The following RICTOR variants were observed in gnomAD, a reference collection of about 807,000 sequenced individuals.
The protein encoded by RICTOR is rapamycin-insensitive companion of mTOR.
A neutral mutation model predicts 214.9 loss-of-function variants in RICTOR; 49 were observed. The observed-to-expected ratio is 0.23, with a 90% CI of 0.18 to 0.29. The LOEUF is 0.29. Ranked by LOEUF, RICTOR falls within the 10% of genes least tolerant of loss-of-function variation. The pLI is 1.00. For missense variants in RICTOR, 1,625 were observed against 2,047.0 expected (o/e 0.79, Z 3.98); for synonymous variants, 717 against 711.3 (o/e 1.01, Z -0.13).
intron 7 of RICTOR, among the ~76,000 whole-genome samples, chr5:38,989,526 T>C (rs1357156491): frequency 6.6e-6 from 1 of 152,072 alleles, no homozygotes; most frequent in African/African-American, 2.4e-5. Context: ...ACTAAAGGGC[T>C]TCTGCACAGT....
intron 19 of RICTOR, among the ~76,000 whole-genome samples, chr5:38,960,979 A>G (rs1749747613): frequency 6.6e-6 from 1 of 152,096 alleles, no homozygotes; most frequent in African/African-American, 2.4e-5. Context: ...TGGAATTGTG[A>G]GTCAATTAAA....
chr5:38,946,479 T>C lies in RICTOR; in HGVS notation c.4388A>G (p.His1463Arg). The part of the protein sequence containing the change: ...HDDRGARAFA[H>R]DAGGLPSGTG... ...GCACAATGCATTACCTCCTGCATCA[T>C]GGGCAAATGCTCTTGCACCTCGATC... Residue 1463 changes from histidine (H) to arginine (R), a missense_variant, in exon 33 of 38, where the codon CAT (histidine) becomes CGT (arginine). His to Arg is a conservative substitution (Grantham distance 29). Around this residue, in one of 5 missense-constraint regions of RICTOR, gnomAD observed 1,214 missense variants for 1,470.5 expected, o/e 0.83. Coordinates refer to ENST00000357387, the MANE Select transcript of RICTOR (RefSeq NM_152756.5). 1 of 1,607,116 alleles carries C rather than the reference T, an allele frequency of 6.2e-7. No homozygotes were observed. Among genetic ancestry groups the C allele is most frequent in the Non-Finnish European group, 8.5e-7 (1 of 1,173,744 alleles).
At chr5:38,944,231 T>A (rs760229968) in intron 36 of RICTOR, 3 of 626,564 alleles carry the variant, frequency 4.8e-6, no homozygotes, top group African/African-American at 3.6e-5. Flanking sequence ...TAATAGAAGA[T>A]AGCTGGATTC....
At chr5:39,000,887 AT>A (rs1388716906) in intron 5 of RICTOR, among the ~76,000 whole-genome samples, 1 of 152,106 alleles carries the variant, frequency 6.6e-6, no homozygotes, top group African/African-American at 2.4e-5. Context: ...TATCAGAAAA[AT>A]ATCTTAGAAT....
At chr5:38,958,416 A>G (rs778854329) in intron 24 of RICTOR, 27 bp downstream of exon 24, 4 of 1,471,330 alleles carry the variant, frequency 2.7e-6, no homozygotes, top group South Asian at 1.1e-5. Flanking sequence ...ACAAAAAAAC[A>G]TAACAGAAAA....
chr5:38,944,075 C>A, intron 36 of RICTOR: 1 of 356,626 alleles, frequency 2.8e-6, no homozygotes, highest in South Asian at 2.3e-5. Context: ...GAGAGAATTT[C>A]CTAACATGCA....
intron 4 of RICTOR, 109 bp from the exon 5 acceptor site, chr5:39,002,775 G>T: frequency 9.4e-7 from 1 of 1,061,772 alleles, no homozygotes; most frequent in Non-Finnish European, 1.4e-6. Context: ...TTCTAGTCAT[G>T]CACAGAATTC....
intron 29 of RICTOR, among the ~76,000 whole-genome samples, chr5:38,952,714 C>G (rs1207731835): frequency 1.3e-5 from 2 of 151,942 alleles, no homozygotes; most frequent in African/African-American, 4.8e-5. Context: ...TCTGGAACAG[C>G]TGGGTTACAG....
chr5:38,964,032 T>C (rs1750013719), intron 16 of RICTOR, among the ~76,000 whole-genome samples: 1 of 151,842 alleles, frequency 6.6e-6, no homozygotes, highest in African/African-American at 2.4e-5. Context: ...ACTATAACTC[T>C]TAACAAAAAT....
At position 38,962,898 on chromosome 5, in the gene RICTOR, T is replaced by G. The variant is rs769937978; in HGVS notation, c.1544A>C (p.Gln515Pro). The G allele has an allele frequency of 6.2e-7, 1 of 1,612,604 alleles. No homozygotes were observed. Among genetic ancestry groups the G allele is most frequent in the East Asian group, 2.2e-5 (1 of 44,836 alleles). Reference sequence around the variant, plus strand: ...CACCTTAAGGATAAATATATCTTTCTGAACTCGGAGATACTGATCCCGTTT... The same window carrying G: ...CACCTTAAGGATAAATATATCTTTCGGAACTCGGAGATACTGATCCCGTTT... ...HQKRDQYLRV[Q>P]KDIFILKDTE... The change falls in exon 17 of 38, where the codon CAG becomes CCG. Residue 515 changes from glutamine to proline, a missense_variant. Transcript: ENST00000357387.
intron 2 of RICTOR, among the ~76,000 whole-genome samples, chr5:39,048,010 CGAA>C (rs1009934220): frequency 1.3e-5 from 2 of 152,142 alleles, no homozygotes; most frequent in African/African-American, 4.8e-5. Context: ...TTAACCACAA[CGAA>C]GAATTTTCCC....
chr5:39,058,337 T>C (rs1758325561), intron 2 of RICTOR, among the ~76,000 whole-genome samples: 1 of 151,748 alleles, frequency 6.6e-6, no homozygotes, highest in Non-Finnish European at 1.5e-5. Context: ...AATAGCAAAA[T>C]AGAAACAGAA....
At chr5:39,038,503 T>G (rs902235737) in intron 2 of RICTOR, among the ~76,000 whole-genome samples, 16 of 152,162 alleles carry the variant, frequency 1.1e-4, no homozygotes, top group Non-Finnish European at 2.4e-4. Flanking sequence ...TAAAGGGTAT[T>G]CAATTAGGAA....
chr5:38,984,197 TTCA>T (rs1201753621), intron 7 of RICTOR, among the ~76,000 whole-genome samples: 1 of 107,274 alleles, frequency 9.3e-6, no homozygotes, highest in Non-Finnish European at 1.9e-5. Context: ...TGAAAATCCA[TTCA>T]TATTATTAAG....
intron 9 of RICTOR, among the ~76,000 whole-genome samples, chr5:38,976,297 T>C (rs553371825): frequency 2.1e-5 from 2 of 94,142 alleles, no homozygotes; most frequent in African/African-American, 3.9e-5. Flanking sequence ...TGTCCCTTTT[T>C]TCCTGTGCCA....
At chr5:39,012,104 T>C (rs1211728960) in intron 3 of RICTOR, among the ~76,000 whole-genome samples, 1 of 152,156 alleles carries the variant, frequency 6.6e-6, no homozygotes, top group Non-Finnish European at 1.5e-5. Context: ...GTGAAAATAC[T>C]TGAATCATGG....
At chr5:39,036,576 C>A (rs901736522) in intron 2 of RICTOR, among the ~76,000 whole-genome samples, 1 of 152,290 alleles carries the variant, frequency 6.6e-6, no homozygotes, top group African/African-American at 2.4e-5. Context: ...AAACCCATCT[C>A]ACGTGCAGAG....
intron 6 of RICTOR, among the ~76,000 whole-genome samples, chr5:38,992,457 G>A (rs776323361): frequency 9.2e-5 from 14 of 151,972 alleles, no homozygotes; most frequent in South Asian, 2.1e-4. Flanking sequence ...TGAAAAAACC[G>A]GCAAAATGGT....
intron 1 of RICTOR, 45 bp from the exon 2 acceptor site, chr5:39,074,203 G>A (rs2150230015): frequency 6.3e-7 from 1 of 1,584,042 alleles, no homozygotes; most frequent in Non-Finnish European, 8.6e-7. Context: ...TGGCTCGCAG[G>A]CCAGCTGCGG....
Sources: allele counts gnomAD v4.1 joint callset (sites outside exome capture counted in the v4.1 genomes callset), GRCh38; gene constraint gnomAD v4.1.1; regional missense constraint gnomAD v4.1.1; transcripts MANE v1.5; gene names NCBI Gene and HGNC (gene_info 2026-07-23, HGNC 2026-07-21).